C11orf65: variants seen among roughly 807,000 people sequenced by gnomAD.
C11orf65 encodes the protein protein MFI.
In C11orf65, 38 loss-of-function variants were observed where a neutral mutation model predicts 35.3. The ratio of observed to expected loss-of-function variants is 1.08; its 90% CI spans 0.83 to 1.41. The LOEUF (loss-of-function observed/expected upper bound fraction) is 1.41, where lower values mean the gene tolerates loss of function less well. Among genes scored for constraint, C11orf65 ranks in the 40% most tolerant of loss-of-function variants. C11orf65 has a pLI of 0.00. For synonymous variants in C11orf65, 105 were observed against 114.4 expected (o/e 0.92, Z 0.53); for missense variants, 370 against 367.1 (o/e 1.01, Z -0.06).
rs1370524851 is a variant in C11orf65 at position 108,347,304 on chromosome 11, T to C, written c.227-12012A>G. On this transcript the variant is annotated intron_variant, in intron 2 of 3. Transcript: ENST00000524755. ...TTGGTTACATACTTGGACTTGGTGA[T>C]AGACATGTACAGAATATCTTGATAA... The C allele has an allele frequency of 1.9e-6, 3 of 1,611,440 alleles. No homozygotes were observed. Among genetic ancestry groups the C allele is most frequent in the East Asian group, 2.2e-5 (1 of 44,758 alleles).
At chr11:108,352,393 T>A (rs2089311308) in intron 2 of C11orf65, among the ~76,000 whole-genome samples, 5 of 152,102 alleles carry the variant, frequency 3.3e-5, no homozygotes, top group Admixed American at 3.3e-4. Flanking sequence ...AAATAAAAAA[T>A]TTCAACTGCA....
chr11:108,456,714 T>G (rs1269487258), intron 2 of C11orf65, among the ~76,000 whole-genome samples: 1 of 151,260 alleles, frequency 6.6e-6, no homozygotes, highest in South Asian at 2.1e-4. Context: ...GAGTTCAAGG[T>G]TACAGTGAAC....
At position 108,461,575 on chromosome 11, in the gene C11orf65, G is replaced by T. The variant is rs773960863; in HGVS notation, c.-9-7C>A. On this transcript the variant is annotated splice_polypyrimidine_tract_variant and splice_region_variant and intron_variant, in intron 1 of 8. Coordinates refer to ENST00000393084, the MANE Select transcript of C11orf65 (RefSeq NM_152587.5). ...TCCAAGGCATTTGAAATTCCTAAAA[G>T]AAAATGAGCAAAAAGGGTACATTTA... is the stretch of plus-strand genomic sequence containing the variant. 3 of 1,508,388 alleles carry T rather than the reference G, an allele frequency of 2.0e-6. No homozygotes were observed. Among genetic ancestry groups the T allele is most frequent in the Non-Finnish European group, 9.1e-7 (1 of 1,099,382 alleles). The allele number at this position is 1,508,388 out of a possible 1,614,324, so 93.4% of individuals were successfully genotyped here.
intron 2 of C11orf65, among the ~76,000 whole-genome samples, chr11:108,347,959 ATT>A (rs2137106867): frequency 6.6e-6 from 1 of 152,342 alleles, no homozygotes; most frequent in East Asian, 1.9e-4. Context: ...AATGATGAAG[ATT>A]TATACTAAAG....
downstream of C11orf65, among the ~76,000 whole-genome samples, chr11:108,379,626 T>A: frequency 6.6e-6 from 1 of 151,220 alleles, no homozygotes; most frequent in Non-Finnish European, 1.5e-5. Context: ...TAAAGTATAA[T>A]AATAATAAAA....
At position 108,310,271 on chromosome 11, in the gene C11orf65, A is replaced by G. The variant is rs1591746375; in HGVS notation, c.641-1200T>C. 2 of 1,613,638 alleles carry G rather than the reference A, an allele frequency of 1.2e-6. No homozygotes were observed. Among genetic ancestry groups the G allele is most frequent in the East Asian group, 2.2e-5 (1 of 44,774 alleles). ...CTCACTTTACAGCTTTACTCTATGC[A>G]GAAATCTATGCAGATAAGAAAAGTA... is the stretch of plus-strand genomic sequence containing the variant. On this transcript the variant is annotated intron_variant, in intron 6 of 6. Transcript: ENST00000525729.
chr11:108,451,232 C>G, intron 2 of C11orf65, among the ~76,000 whole-genome samples: 1 of 151,984 alleles, frequency 6.6e-6, no homozygotes, highest in South Asian at 2.1e-4. Flanking sequence ...TGTTTGCAGA[C>G]GACATGATTG....
chr11:108,344,487 T>C (rs763621091), intron 2 of C11orf65, among the ~76,000 whole-genome samples: 6 of 152,146 alleles, frequency 3.9e-5, no homozygotes, highest in African/African-American at 7.2e-5. Flanking sequence ...CAAAGGAGTT[T>C]GCACCTTATG....
intron 2 of C11orf65, among the ~76,000 whole-genome samples, chr11:108,339,934 CATTT>C (rs1395688646): frequency 6.6e-6 from 1 of 152,134 alleles, no homozygotes; most frequent in Non-Finnish European, 1.5e-5. Flanking sequence ...TGAGATCATT[CATTT>C]GTTTATTCAA....
chr11:108,355,040 A>G (rs576467908), intron 2 of C11orf65: 257 of 633,888 alleles, frequency 4.1e-4, no homozygotes, highest in South Asian at 2.2e-3. Context: ...CACACATCCA[A>G]AAATACTGGT....
chr11:108,331,171 T>C (rs967078637), downstream of C11orf65: 3 of 1,128,102 alleles, frequency 2.7e-6, no homozygotes, highest in Admixed American at 9.1e-5. Flanking sequence ...CTTCCTTAGA[T>C]TTTTTGGAAT....
intron 6 of C11orf65, among the ~76,000 whole-genome samples, chr11:108,400,931 C>T (rs939970965): frequency 1.3e-5 from 2 of 151,868 alleles, no homozygotes; most frequent in Non-Finnish European, 2.9e-5. Context: ...ATGTTGAAAC[C>T]CTGCCTCTAC....
At chr11:108,352,995 G>A (rs761232074) in intron 2 of C11orf65, among the ~76,000 whole-genome samples, 1 of 152,078 alleles carries the variant, frequency 6.6e-6, no homozygotes, top group Non-Finnish European at 1.5e-5. Context: ...CCTTATGATA[G>A]GAATATTATA....
intron 2 of C11orf65, chr11:108,343,161 G>T (rs2136934854): frequency 6.3e-7 from 1 of 1,592,802 alleles, no homozygotes; most frequent in Non-Finnish European, 8.6e-7. Flanking sequence ...ATAGCTGAAT[G>T]ATCATCAAAT....
chr11:108,453,888 G>T (rs1383664114), intron 2 of C11orf65, among the ~76,000 whole-genome samples: 1 of 152,150 alleles, frequency 6.6e-6, no homozygotes, highest in African/African-American at 2.4e-5. Context: ...ATCTGGCTTT[G>T]GTATCCAACT....
chr11:108,370,164 T>C (rs1481430373), intron 2 of C11orf65, among the ~76,000 whole-genome samples: 1 of 152,142 alleles, frequency 6.6e-6, no homozygotes, highest in African/African-American at 2.4e-5. Context: ...AGTTTTACTA[T>C]GTTTATTCCT....
chr11:108,335,470 C>G (rs2086737863), intron 2 of C11orf65, among the ~76,000 whole-genome samples: 1 of 152,114 alleles, frequency 6.6e-6, no homozygotes, highest in South Asian at 2.1e-4. Context: ...CGTACTGTGC[C>G]AAGTGCTATT....
chr11:108,401,209 T>C (rs1356253186), intron 6 of C11orf65, among the ~76,000 whole-genome samples: 2 of 151,986 alleles, frequency 1.3e-5, no homozygotes, highest in African/African-American at 4.8e-5. Context: ...TGGAACTTCC[T>C]GGGGTGATGG....
chr11:108,416,647 C>T (rs2092736287), intron 3 of C11orf65, among the ~76,000 whole-genome samples: 1 of 152,074 alleles, frequency 6.6e-6, no homozygotes, highest in Admixed American at 6.6e-5. Flanking sequence ...CACTGCACTC[C>T]AGCCTGGGCG....
Sources: allele counts gnomAD v4.1 joint callset (sites outside exome capture counted in the v4.1 genomes callset), GRCh38; gene constraint gnomAD v4.1.1; transcripts MANE v1.5; gene names NCBI Gene and HGNC (gene_info 2026-07-23, HGNC 2026-07-21).